The following TRIM55 variants were observed in gnomAD, a reference collection of about 807,000 sequenced individuals.
TRIM55 encodes tripartite motif-containing protein 55.
In TRIM55, 50 loss-of-function variants were observed where a neutral mutation model predicts 60.9. The ratio of observed to expected loss-of-function variants is 0.82; its 90% CI spans 0.65 to 1.04. The LOEUF (loss-of-function observed/expected upper bound fraction) is 1.04, where lower values mean the gene tolerates loss of function less well. TRIM55 is among the 50% of genes least tolerant of loss of function. The pLI, the probability that TRIM55 is intolerant of heterozygous loss-of-function variation, is 0.00. For synonymous variants in TRIM55, 237 were observed against 238.1 expected, an observed-to-expected ratio of 1.00 and a Z score of 0.04; for missense variants, 681 against 666.9, an observed-to-expected ratio of 1.02 and a Z score of -0.23.
At chr8:66,123,260 A>C (rs562333924), upstream of TRIM55, among the ~76,000 whole-genome samples, 1 of 152,344 alleles carries the variant, frequency 6.6e-6, no homozygotes, top group East Asian at 1.9e-4. Context: ...GACCAAATTA[A>C]TGTATATCCC....
intron 8 of TRIM55, 53 bp downstream of exon 8, chr8:66,152,680 G>T (rs1810507598): frequency 6.4e-7 from 1 of 1,571,426 alleles, no homozygotes; most frequent in African/African-American, 1.4e-5. Flanking sequence ...TCTCCTTATG[G>T]AATAGCCTAA....
At chr8:66,127,834 C>CA (rs1014026506) in intron 1 of TRIM55, among the ~76,000 whole-genome samples, 1 of 151,876 alleles carries the variant, frequency 6.6e-6, no homozygotes, top group African/African-American at 2.4e-5. Context: ...GACTCTGTCT[C>CA]AAAAAAAGAA....
intron 8 of TRIM55, 137 bp from the exon 9 acceptor site, chr8:66,153,910 A>G (rs1334161277): frequency 1.8e-5 from 14 of 782,294 alleles, no homozygotes; most frequent in Non-Finnish European, 2.8e-5. Context: ...GGGTGGGATG[A>G]ACTAAAACGG....
chr8:66,139,438 G>A (rs925039977), intron 4 of TRIM55, among the ~76,000 whole-genome samples: 14 of 152,274 alleles, frequency 9.2e-5, no homozygotes, highest in African/African-American at 3.4e-4. Flanking sequence ...TGAGTGGGCC[G>A]CAGAGATTTG....
In TRIM55 at chr8:66,149,783, A is replaced by C; in HGVS notation, c.742A>C (p.Ile248Leu). The C allele has an allele frequency of 6.2e-7, 1 of 1,614,210 alleles. No individual in the cohort carries two copies. The highest frequency in any genetic ancestry group is 8.5e-7 in the Non-Finnish European group (1 of 1,180,020). The change falls in exon 5 of 10, where the codon ATC (isoleucine) becomes CTC (leucine). Residue 248 changes from isoleucine to leucine, a missense_variant. Physicochemically the swap from Ile to Leu is conservative, Grantham distance 5. Transcript: ENST00000315962. Reference protein sequence around the residue: ...EEKLEHVRALIKKYSDHLENV... With the variant: ...EEKLEHVRALLKKYSDHLENV... ...GAAACTGGAACATGTCCGTGCTCTG[A>C]TCAAAAAGTATTCTGATCATTTGGA... is the stretch of plus-strand genomic sequence containing the variant.
Position 66,127,331 on chromosome 8 carries a change from G to T in TRIM55, c.63G>T (p.Glu21Asp). 6.2e-7 allele frequency: 1 copy of T among 1,614,208 alleles called. No homozygotes were observed. Among genetic ancestry groups the T allele is most frequent in the Admixed American group, 1.7e-5 (1 of 60,026 alleles). ...SKEQQTMDNL[E>D]KQLICPICLE... ...AGCAGCAGACCATGGATAACTTAGAGAAGCAACTCATCTGTCCCATCTGCT... is the reference window on the plus strand; with the variant it reads ...AGCAGCAGACCATGGATAACTTAGATAAGCAACTCATCTGTCCCATCTGCT... Residue 21 changes from glutamate to aspartate, a missense_variant, in exon 1 of 10, where the codon GAG becomes GAT. Transcript: ENST00000315962.
intron 4 of TRIM55, among the ~76,000 whole-genome samples, chr8:66,140,576 T>A (rs866804911): frequency 8.5e-5 from 13 of 152,378 alleles, no homozygotes; most frequent in African/African-American, 3.1e-4. Context: ...ATGGCCACCC[T>A]GTGCATCTGT....
intron 2 of TRIM55, among the ~76,000 whole-genome samples, chr8:66,130,563 G>A (rs926641185): frequency 2.4e-4 from 22 of 91,382 alleles, no homozygotes; most frequent in African/African-American, 1.0e-3. Flanking sequence ...GAAGGGGGTC[G>A]GGGGGGGTGA....
chr8:66,116,330 G>A, the TRIM55 span, among the ~76,000 whole-genome samples: 4 of 152,018 alleles, frequency 2.6e-5, no homozygotes, highest in Admixed American at 1.3e-4. Context: ...GAAACAGGTC[G>A]GCATGGTGGC....
At chr8:66,132,867 A>T (rs942068568) in intron 2 of TRIM55, among the ~76,000 whole-genome samples, 6 of 152,236 alleles carry the variant, frequency 3.9e-5, no homozygotes, top group African/African-American at 1.4e-4. Context: ...AGCACCATGA[A>T]AAAAATAAAT....
chr8:66,113,692 C>T, the TRIM55 span: 2 of 418,324 alleles, frequency 4.8e-6, no homozygotes, highest in South Asian at 3.4e-5. Flanking sequence ...TGCCGGGTCA[C>T]GACTTCTGCG....
At chr8:66,130,432 G>A (rs575707503) in intron 2 of TRIM55, among the ~76,000 whole-genome samples, 8 of 152,146 alleles carry the variant, frequency 5.3e-5, no homozygotes, top group Non-Finnish European at 1.0e-4. Flanking sequence ...GGGAGGAAAC[G>A]CAGTTGTCCC....
chr8:66,166,497 T>C (rs1811336890), intron 9 of TRIM55, among the ~76,000 whole-genome samples: 2 of 152,230 alleles, frequency 1.3e-5, no homozygotes. Context: ...ATGGTACACC[T>C]CTTCTTCCAC....
At chr8:66,124,001 T>C (rs1009558392), upstream of TRIM55, among the ~76,000 whole-genome samples, 5 of 152,182 alleles carry the variant, frequency 3.3e-5, no homozygotes, top group African/African-American at 1.2e-4. Flanking sequence ...GGGAGGTAGA[T>C]GCAGAAGCTG....
Position 66,174,678 on chromosome 8 carries a change from A to T in TRIM55, c.*85A>T. ...AGCCCAAGTGAAATTAATATTATGC[A>T]GATGATGAAAGGGACCTCTGAACAG... On this transcript the variant is annotated 3_prime_UTR_variant, in exon 10 of 10. Coordinates refer to ENST00000315962, the MANE Select transcript of TRIM55 (RefSeq NM_184085.2). The T allele has an allele frequency of 7.2e-7, 1 of 1,379,632 alleles. No homozygotes were observed. Among genetic ancestry groups the T allele is most frequent in the Non-Finnish European group, 9.5e-7 (1 of 1,056,910 alleles). The allele number at this position is 1,379,632 out of a possible 1,614,324, so 85.5% of individuals were successfully genotyped here. A position where few individuals can be genotyped will look rare whatever the true frequency, so the allele number is the denominator to read the frequency against.
intron 4 of TRIM55, among the ~76,000 whole-genome samples, chr8:66,147,052 A>T (rs1810132064): frequency 6.6e-6 from 1 of 152,252 alleles, no homozygotes; most frequent in South Asian, 2.1e-4. Flanking sequence ...TTGGACAAAG[A>T]TTCCATAAAT....
rs755734266 is a variant in TRIM55 at position 66,152,573 on chromosome 8, C to T, written c.1182C>T (p.Ser394=). Residue 394 remains serine (S), a synonymous_variant, in exon 8 of 10, where the codon TCC becomes TCT. Coordinates refer to ENST00000315962, the MANE Select transcript of TRIM55 (RefSeq NM_184085.2). The part of the protein sequence containing the change: ...LQAAPGALPV[S]SPEPPPALPP... ...CTGCCCCTGGGGCACTTCCAGTTTC[C>T]TCTCCAGAGCCACCTCCAGCCCTGC... 1.2e-6 allele frequency: 2 copies of T among 1,614,040 alleles called. No individual in the cohort carries two copies. Among genetic ancestry groups the T allele is most frequent in the Non-Finnish European group, 1.7e-6 (2 of 1,180,046 alleles).
chr8:66,132,506 C>T (rs559266686), intron 2 of TRIM55, among the ~76,000 whole-genome samples: 2 of 152,296 alleles, frequency 1.3e-5, no homozygotes, highest in East Asian at 1.9e-4. Context: ...CTCACCAAGA[C>T]CAGATGCCCA....
intron 4 of TRIM55, among the ~76,000 whole-genome samples, chr8:66,139,736 C>T (rs758544377): frequency 3.3e-5 from 5 of 152,176 alleles, no homozygotes; most frequent in Non-Finnish European, 7.3e-5. Context: ...TGCAAATTAT[C>T]AGGAGTCTTA....
Sources: allele counts gnomAD v4.1 joint callset (sites outside exome capture counted in the v4.1 genomes callset), GRCh38; gene constraint gnomAD v4.1.1; transcripts MANE v1.5; gene names NCBI Gene and HGNC (gene_info 2026-07-23, HGNC 2026-07-21).